The following GTF2IRD1 variants were observed in gnomAD, a reference collection of about 807,000 sequenced individuals.
The protein encoded by GTF2IRD1 is GTF2I repeat domain containing 1.
GTF2IRD1 carries 26 observed loss-of-function variants against 113.2 expected under a neutral mutation model. The observed-to-expected ratio is 0.23, with a 90% CI of 0.17 to 0.32. GTF2IRD1 has a LOEUF of 0.32. GTF2IRD1 is among the 10% of genes least tolerant of loss of function. The pLI is 1.00. For missense variants in GTF2IRD1, 864 were observed against 1,280.8 expected, an observed-to-expected ratio of 0.67 and a Z score of 4.97; for synonymous variants, 484 against 529.1, an observed-to-expected ratio of 0.91 and a Z score of 1.17.
chr7:74,531,955 G>A (rs1797987110), intron 9 of GTF2IRD1, among the ~76,000 whole-genome samples: 1 of 152,174 alleles, frequency 6.6e-6, no homozygotes, highest in African/African-American at 2.4e-5. Context: ...ATCCCCCAGG[G>A]CTGTGGGTTC....
chr7:74,490,504 T>G, intron 1 of GTF2IRD1, among the ~76,000 whole-genome samples: 1 of 149,520 alleles, frequency 6.7e-6, no homozygotes, highest in African/African-American at 2.5e-5. Flanking sequence ...AGAGAGGGAG[T>G]ATTCAGAGGG....
At chr7:74,586,946 G>A (rs1801749389) in intron 22 of GTF2IRD1, among the ~76,000 whole-genome samples, 1 of 151,960 alleles carries the variant, frequency 6.6e-6, no homozygotes, top group Non-Finnish European at 1.5e-5. Context: ...AGGAGTTCGA[G>A]AACAGCCTGT....
intron 22 of GTF2IRD1, among the ~76,000 whole-genome samples, chr7:74,579,269 CT>C (rs1554365464): frequency 6.6e-6 from 1 of 152,068 alleles, no homozygotes; most frequent in African/African-American, 2.4e-5. Flanking sequence ...GATCGCACTA[CT>C]GCATGGGTGA....
intron 1 of GTF2IRD1, among the ~76,000 whole-genome samples, chr7:74,476,495 G>C (rs1253752112): frequency 1.3e-5 from 2 of 151,552 alleles, no homozygotes; most frequent in African/African-American, 4.8e-5. Flanking sequence ...CTCCCAAGTA[G>C]CTGGGATACA....
At chr7:74,477,260 A>T (rs1794469789) in intron 1 of GTF2IRD1, among the ~76,000 whole-genome samples, 1 of 151,942 alleles carries the variant, frequency 6.6e-6, no homozygotes, top group Admixed American at 6.6e-5. Context: ...GCTACTCAAG[A>T]GGCTGAGTCA....
At position 74,547,056 on chromosome 7, in the gene GTF2IRD1, C is replaced by T. The variant is rs587745368; in HGVS notation, c.1733-47C>T. The T allele has an allele frequency of 7.7e-6, 12 of 1,567,716 alleles. No individual in the cohort carries two copies. The East Asian group carries it at 2.7e-4, about 35-fold the overall frequency. On this transcript the variant is annotated intron_variant, in intron 16 of 26. Transcript: ENST00000424337. ...GCACGGGACACAGGGGTTGAGGCTC[C>T]TGGCCCTGTGGCACCGGGTGGCCCT... is the stretch of plus-strand genomic sequence containing the variant.
chr7:74,457,082 C>T (rs1218300917), intron 1 of GTF2IRD1, among the ~76,000 whole-genome samples: 1 of 152,046 alleles, frequency 6.6e-6, no homozygotes, highest in African/African-American at 2.4e-5. Context: ...CCTCGAACTC[C>T]TGGACTCAAG....
At chr7:74,461,466 T>A (rs1406538776) in intron 1 of GTF2IRD1, among the ~76,000 whole-genome samples, 1 of 152,178 alleles carries the variant, frequency 6.6e-6, no homozygotes, top group East Asian at 1.9e-4. Context: ...TCTATCCATC[T>A]GTTGTTACGC....
intron 1 of GTF2IRD1, among the ~76,000 whole-genome samples, chr7:74,467,937 C>T (rs367775818): frequency 1.6e-4 from 25 of 152,128 alleles, no homozygotes; most frequent in African/African-American, 5.8e-4. Context: ...TCAGGTGATC[C>T]GCCTCTGGGC....
Position 74,512,434 on chromosome 7 carries a change from A to AG in GTF2IRD1, c.124-394dup, listed in dbSNP as rs1421699305. 6.6e-6 allele frequency among the ~76,000 whole-genome samples: 1 copy of AG among 152,168 alleles called. No individual in the cohort carries two copies. Among genetic ancestry groups the AG allele is most frequent in the Non-Finnish European group, 1.5e-5 (1 of 68,024 alleles). On this transcript the variant is annotated intron_variant, in intron 2 of 26. Coordinates refer to ENST00000424337, the MANE Select transcript of GTF2IRD1 (RefSeq NM_005685.4). This position sits in a 1 kb window ranked among gnomAD's most constrained non-coding sequence, Gnocchi z 4.4. The stretch of plus-strand genomic sequence containing the variant: ...TCAAGTCCCACAGCAGAAGTGGCCG[A>AG]GGTGGGATTGCAGCCCCAGTCTGTC...
chr7:74,453,932 T>C lies in GTF2IRD1; in HGVS notation c.-251T>C, dbSNP rs2116810039. Reference sequence around the variant, plus strand: ...CTCCTCTCCCCGCGCCGCCCCGCCCTCCGCCGCAGCCCGCGCCGGGGGTGG... The same window carrying C: ...CTCCTCTCCCCGCGCCGCCCCGCCCCCCGCCGCAGCCCGCGCCGGGGGTGG... On this transcript the variant is annotated 5_prime_UTR_variant, in exon 1 of 27. Transcript: ENST00000424337. 7.3e-6 allele frequency: 1 copy of C among 137,862 alleles called. No homozygotes were observed. The highest frequency in any genetic ancestry group is 2.7e-5 in the African/African-American group (1 of 36,872). The allele number at this position is 137,862 out of a possible 1,614,324, so 8.5% of individuals were successfully genotyped here.
At chr7:74,541,916 A>ATAGATAGATAGATAGG (rs1397300864) in intron 14 of GTF2IRD1, among the ~76,000 whole-genome samples, 2 of 73,080 alleles carry the variant, frequency 2.7e-5, no homozygotes, top group Non-Finnish European at 5.0e-5. Context: ...AACTAAATAG[A>ATAGATAGATAGATAGG]TAGATAGATA....
chr7:74,558,986 T>A lies in GTF2IRD1; in HGVS notation c.2233T>A (p.Ser745Thr). 1.2e-6 allele frequency: 2 copies of A among 1,614,044 alleles called. No homozygotes were observed. Among genetic ancestry groups the A allele is most frequent in the Non-Finnish European group, 1.7e-6 (2 of 1,179,982 alleles). The change falls in exon 21 of 27, where the codon TCC (serine) becomes ACC (threonine). Residue 745 changes from serine (S) to threonine (T), a missense_variant. By Grantham distance (58) the Ser-to-Thr change is moderately conservative (BLOSUM62 1). Transcript: ENST00000424337. Reference protein sequence around the residue: ...IPFRKPCTFGSQNLERILAVA... With the variant: ...IPFRKPCTFGTQNLERILAVA... ...GTTCCGAAAGCCCTGTACCTTCGGC[T>A]CCCAGAACCTGGAGAGGATTCTTGC...
At chr7:74,530,751 C>T (rs1797918322) in intron 9 of GTF2IRD1, among the ~76,000 whole-genome samples, 1 of 151,958 alleles carries the variant, frequency 6.6e-6, no homozygotes, top group South Asian at 2.1e-4. Flanking sequence ...GTCCTTATTT[C>T]CCTTGTGAAT....
At chr7:74,493,626 A>G (rs1444343314) in intron 1 of GTF2IRD1, among the ~76,000 whole-genome samples, 1 of 152,124 alleles carries the variant, frequency 6.6e-6, no homozygotes, top group Non-Finnish European at 1.5e-5. Context: ...CAGCCATTCT[A>G]GTAGACAGGT....
intron 22 of GTF2IRD1, among the ~76,000 whole-genome samples, chr7:74,570,922 C>G (rs79757505): frequency 6.6e-6 from 1 of 152,138 alleles, no homozygotes; most frequent in African/African-American, 2.4e-5. Context: ...GCCCCGCCAC[C>G]AGCTCCCCAC....
At chr7:74,527,801 G>A (rs149166810) in intron 8 of GTF2IRD1, among the ~76,000 whole-genome samples, 7,017 of 151,736 alleles carry the variant, frequency 0.046, 226 homozygotes, top group Non-Finnish European at 0.072. Flanking sequence ...AGATTGTGCC[G>A]CTGCACTCCA....
chr7:74,473,390 G>A (rs1270010345), intron 1 of GTF2IRD1, among the ~76,000 whole-genome samples: 1 of 151,970 alleles, frequency 6.6e-6, no homozygotes, highest in African/African-American at 2.4e-5. Flanking sequence ...AAACTTCTGT[G>A]AGGTTGGGCG....
chr7:74,509,741 C>T (rs1385778294), intron 2 of GTF2IRD1, among the ~76,000 whole-genome samples: 1 of 151,246 alleles, frequency 6.6e-6, no homozygotes, highest in Non-Finnish European at 1.5e-5. Flanking sequence ...GGTGTGATCT[C>T]GACTCACTGC....
Sources: gnomAD v4.1 joint callset for allele counts (sites outside exome capture counted in the v4.1 genomes callset) on GRCh38, gnomAD v4.1.1 for gene constraint, Gnocchi (gnomAD v3.1) non-coding constraint, MANE v1.5 for transcripts, NCBI Gene and HGNC (gene_info 2026-07-23, HGNC 2026-07-21) for gene names.